PCDH9: variants seen among roughly 807,000 people sequenced by gnomAD.
PCDH9 encodes the protein protocadherin-9.
Under a neutral mutation model 70.6 loss-of-function variants are expected in PCDH9, and 24 were observed. The ratio of observed to expected loss-of-function variants is 0.34; its 90% CI spans 0.25 to 0.48. PCDH9 has a LOEUF of 0.48. Ranked by LOEUF, PCDH9 falls within the 20% of genes least tolerant of loss-of-function variation. PCDH9 has a pLI of 0.99. For missense variants in PCDH9, 1,281 were observed against 1,503.6 expected (o/e 0.85, Z 2.45); for synonymous variants, 562 against 558.5 (o/e 1.01, Z -0.09).
chr13:67,004,615 A>G (rs1224002087), intron 2 of PCDH9, among the ~76,000 whole-genome samples: 1 of 151,950 alleles, frequency 6.6e-6, no homozygotes, highest in Non-Finnish European at 1.5e-5. Flanking sequence ...TTTTTGTTAT[A>G]ACATATTTCA....
chr13:66,866,390 G>C (rs1229858003), intron 3 of PCDH9, among the ~76,000 whole-genome samples: 1 of 151,654 alleles, frequency 6.6e-6, no homozygotes, highest in African/African-American at 2.4e-5. Flanking sequence ...GCTGAGGAAA[G>C]AGAATGGCGG....
chr13:66,619,561 A>T (rs2077398026), intron 4 of PCDH9, among the ~76,000 whole-genome samples: 1 of 152,170 alleles, frequency 6.6e-6, no homozygotes, highest in South Asian at 2.1e-4. Flanking sequence ...CTGCTTCTAC[A>T]ACTTTTCAGT....
At chr13:66,774,378 C>A (rs1364755182) in intron 3 of PCDH9, among the ~76,000 whole-genome samples, 3 of 152,072 alleles carry the variant, frequency 2.0e-5, no homozygotes, top group Non-Finnish European at 4.4e-5. Context: ...AGCTCCCAAA[C>A]AGATGGTTTA....
intron 2 of PCDH9, among the ~76,000 whole-genome samples, chr13:67,198,098 A>C (rs2089119661): frequency 6.6e-6 from 1 of 151,734 alleles, no homozygotes; most frequent in African/African-American, 2.4e-5. Flanking sequence ...CTATAGGGAT[A>C]ATACATTTAT....
chr13:67,113,919 A>T (rs1342123293), intron 2 of PCDH9, among the ~76,000 whole-genome samples: 3 of 152,324 alleles, frequency 2.0e-5, no homozygotes, highest in Admixed American at 1.3e-4. Context: ...TACCGGCTGG[A>T]GCTAACTAGA....
intron 2 of PCDH9, among the ~76,000 whole-genome samples, chr13:67,198,405 A>G (rs2089128607): frequency 6.6e-6 from 1 of 151,918 alleles, no homozygotes; most frequent in African/African-American, 2.4e-5. Context: ...CCTACTGTGT[A>G]CCAGAAATTC....
chr13:66,950,698 C>T (rs994048117), intron 2 of PCDH9, among the ~76,000 whole-genome samples: 20 of 151,984 alleles, frequency 1.3e-4, no homozygotes, highest in African/African-American at 4.6e-4. Context: ...AAATACTTCC[C>T]TGGAAAATAT....
At chr13:66,692,128 C>T (rs1039743012) in intron 3 of PCDH9, among the ~76,000 whole-genome samples, 17 of 152,244 alleles carry the variant, frequency 1.1e-4, no homozygotes, top group Admixed American at 9.8e-4. Context: ...TTAGCCTCTA[C>T]ATGGCATGAA....
At chr13:67,119,900 A>G (rs1348905257) in intron 2 of PCDH9, among the ~76,000 whole-genome samples, 5 of 152,134 alleles carry the variant, frequency 3.3e-5, no homozygotes, top group Non-Finnish European at 5.9e-5. Context: ...CTGGGTTTTA[A>G]GCACTCAGTG....
At chr13:66,879,604 T>C (rs1566262132) in intron 3 of PCDH9, among the ~76,000 whole-genome samples, 1 of 152,174 alleles carries the variant, frequency 6.6e-6, no homozygotes, top group Non-Finnish European at 1.5e-5. Context: ...GGATTAATTA[T>C]GTATAAATAG....
At chr13:66,866,796 CAATAAAATAAAAT>C (rs2081584435) in intron 3 of PCDH9, among the ~76,000 whole-genome samples, 1 of 152,028 alleles carries the variant, frequency 6.6e-6, no homozygotes, top group South Asian at 2.1e-4. Flanking sequence ...GATTCTGTCT[CAATAAAATAAAAT>C]AATAAAATAA....
At chr13:66,759,069 C>G (rs943091166) in intron 3 of PCDH9, among the ~76,000 whole-genome samples, 1 of 151,866 alleles carries the variant, frequency 6.6e-6, no homozygotes, top group Non-Finnish European at 1.5e-5. Flanking sequence ...AAAAAGCCAA[C>G]TCTTTGTTTC....
intron 2 of PCDH9, among the ~76,000 whole-genome samples, chr13:67,043,104 G>GA (rs2085154832): frequency 6.6e-6 from 1 of 152,114 alleles, no homozygotes; most frequent in South Asian, 2.1e-4. Context: ...CAAAGCAAAA[G>GA]AAAAAATGTC....
chr13:66,757,142 T>C (rs1377636368), intron 3 of PCDH9, among the ~76,000 whole-genome samples: 1 of 152,124 alleles, frequency 6.6e-6, no homozygotes, highest in African/African-American at 2.4e-5. Flanking sequence ...CCCAGCCTCA[T>C]GTGGTTGATT....
intron 4 of PCDH9, among the ~76,000 whole-genome samples, chr13:66,359,761 G>A (rs1406829262): frequency 6.6e-6 from 1 of 152,002 alleles, no homozygotes; most frequent in Non-Finnish European, 1.5e-5. Context: ...ACAAAGGGCC[G>A]TCTTTAGAAA....
chr13:66,876,271 A>G (rs1430565747), intron 3 of PCDH9, among the ~76,000 whole-genome samples: 2 of 152,170 alleles, frequency 1.3e-5, no homozygotes, highest in South Asian at 2.1e-4. Flanking sequence ...AAAATATTCA[A>G]TTACTGTGTA....
chr13:66,868,030 T>G (rs2081607020), intron 3 of PCDH9, among the ~76,000 whole-genome samples: 1 of 151,994 alleles, frequency 6.6e-6, no homozygotes, highest in African/African-American at 2.4e-5. Flanking sequence ...AAATAATAAA[T>G]TAGCTAAAAT....
chr13:66,433,768 T>A (rs1258159331), intron 4 of PCDH9, among the ~76,000 whole-genome samples: 1 of 151,882 alleles, frequency 6.6e-6, no homozygotes, highest in Admixed American at 6.6e-5. Context: ...AGAGAAAATA[T>A]ATTTTGTTGT....
chr13:66,785,941 A>C (rs1000219051), intron 3 of PCDH9, among the ~76,000 whole-genome samples: 2 of 152,218 alleles, frequency 1.3e-5, no homozygotes, highest in Non-Finnish European at 2.9e-5. Flanking sequence ...TATTGATAGA[A>C]GTATAATACT....
Sources: gnomAD v4.1 joint callset for allele counts (sites outside exome capture counted in the v4.1 genomes callset) on GRCh38, gnomAD v4.1.1 for gene constraint, MANE v1.5 for transcripts, NCBI Gene and HGNC (gene_info 2026-07-23, HGNC 2026-07-21) for gene names.